DPP6: variants seen among roughly 807,000 people sequenced by gnomAD.
DPP6 encodes A-type potassium channel modulatory protein DPP6.
Under a neutral mutation model 122.6 loss-of-function variants are expected in DPP6, and 69 were observed. The observed-to-expected ratio is 0.56, with a 90% confidence interval of 0.46 to 0.69. The LOEUF (loss-of-function observed/expected upper bound fraction) is 0.69, where lower values mean the gene tolerates loss of function less well. Ranked by LOEUF, DPP6 falls within the 30% of genes least tolerant of loss-of-function variation. The pLI is 0.00. For synonymous variants in DPP6, 418 were observed against 433.1 expected, an observed-to-expected ratio of 0.97 and a Z score of 0.43; for missense variants, 928 against 1,116.9, an observed-to-expected ratio of 0.83 and a Z score of 2.41.
At chr7:154,236,021 T>C (rs1012374313) in intron 1 of DPP6, among the ~76,000 whole-genome samples, 2 of 152,086 alleles carry the variant, frequency 1.3e-5, no homozygotes, top group African/African-American at 4.8e-5. Flanking sequence ...CCCGGCTAAT[T>C]TTTGTATTTG....
At chr7:154,794,256 C>T in intron 11 of DPP6, 54 bp downstream of exon 11, 1 of 1,516,254 alleles carries the variant, frequency 6.6e-7, no homozygotes, top group Non-Finnish European at 8.9e-7. Context: ...GATGGTCAGA[C>T]GCGCCCGAGG....
chr7:154,474,054 G>A (rs572319718), intron 2 of DPP6, among the ~76,000 whole-genome samples: 85 of 152,314 alleles, frequency 5.6e-4, no homozygotes, highest in African/African-American at 2.0e-3. Flanking sequence ...AATATACAGA[G>A]GAGTTTCTTA....
At chr7:154,845,710 A>T (rs974665014) in intron 16 of DPP6, among the ~76,000 whole-genome samples, 4 of 152,244 alleles carry the variant, frequency 2.6e-5, no homozygotes, top group Admixed American at 2.6e-4. Context: ...CTAAAAATTC[A>T]AACATTTACC....
chr7:153,800,234 G>C, the DPP6 span, among the ~76,000 whole-genome samples: 4 of 152,158 alleles, frequency 2.6e-5, no homozygotes, highest in African/African-American at 9.7e-5. Flanking sequence ...TGGAATACTA[G>C]TTAGCCATAA....
intron 10 of DPP6, among the ~76,000 whole-genome samples, chr7:154,781,984 A>G (rs1797056864): frequency 6.6e-6 from 1 of 152,246 alleles, no homozygotes; most frequent in African/African-American, 2.4e-5. Flanking sequence ...AAGAGTCACT[A>G]TATTCTGATT....
At chr7:154,709,055 A>AT (rs1480400313) in intron 7 of DPP6, among the ~76,000 whole-genome samples, 1 of 147,050 alleles carries the variant, frequency 6.8e-6, no homozygotes, top group Admixed American at 6.9e-5. Flanking sequence ...CTCAAAAAAT[A>AT]AATAAAAATA....
chr7:154,482,807 C>T (rs1823425007), intron 3 of DPP6, among the ~76,000 whole-genome samples: 1 of 152,072 alleles, frequency 6.6e-6, no homozygotes, highest in South Asian at 2.1e-4. Context: ...GACAAATCAG[C>T]AGGAGGTGGT....
intron 8 of DPP6, among the ~76,000 whole-genome samples, chr7:154,739,299 A>G (rs1842711262): frequency 2.0e-5 from 3 of 152,182 alleles, no homozygotes; most frequent in African/African-American, 7.2e-5. Flanking sequence ...GTGGGCCTCA[A>G]GTTTGGTGCC....
intron 1 of DPP6, among the ~76,000 whole-genome samples, chr7:153,936,664 A>G (rs1801458431): frequency 6.6e-6 from 1 of 151,650 alleles, no homozygotes; most frequent in Non-Finnish European, 1.5e-5. Flanking sequence ...AAAAAAAATT[A>G]GCTGGGCGGG....
At chr7:154,058,589 A>C (rs1801154526) in intron 1 of DPP6, 2 of 148,052 alleles carry the variant, frequency 1.4e-5, no homozygotes, top group African/African-American at 5.2e-5. Context: ...CGAGGCGGGG[A>C]CTGAGAGCCA....
Position 154,830,733 on chromosome 7 carries a change from T to C in DPP6, c.1667-23047T>C, listed in dbSNP as rs560756742. 2.8e-4 allele frequency among the ~76,000 whole-genome samples: 43 copies of C among 152,324 alleles called. No individual in the cohort carries two copies. In the South Asian group the frequency reaches 8.5e-3, roughly 30 times the overall value. Reference sequence around the variant, plus strand: ...GCAGGGTTGCTGCTCACAGCCTATTTCTACTATCTATACGTCCACATTTGA... The same window carrying C: ...GCAGGGTTGCTGCTCACAGCCTATTCCTACTATCTATACGTCCACATTTGA... On this transcript the variant is annotated intron_variant, in intron 16 of 25. Coordinates refer to ENST00000377770, the MANE Select transcript of DPP6 (RefSeq NM_130797.4).
intron 1 of DPP6, among the ~76,000 whole-genome samples, chr7:154,413,415 A>G (rs944302275): frequency 6.6e-6 from 1 of 152,240 alleles, no homozygotes; most frequent in African/African-American, 2.4e-5. Flanking sequence ...AAAGGCTGAC[A>G]TGCAAAGAGA....
intron 1 of DPP6, among the ~76,000 whole-genome samples, chr7:154,127,676 C>T (rs1054266087): frequency 6.8e-6 from 1 of 147,162 alleles, no homozygotes; most frequent in Non-Finnish European, 1.5e-5. Flanking sequence ...CACACACACA[C>T]AAAACAGCTC....
intron 1 of DPP6, among the ~76,000 whole-genome samples, chr7:153,920,117 T>C (rs1800560614): frequency 6.6e-6 from 1 of 152,216 alleles, no homozygotes; most frequent in Admixed American, 6.5e-5. Flanking sequence ...ACATACTTGC[T>C]GCTGTTGACA....
At chr7:153,970,802 T>A (rs1448559202) in intron 1 of DPP6, among the ~76,000 whole-genome samples, 1 of 152,312 alleles carries the variant, frequency 6.6e-6, no homozygotes, top group East Asian at 1.9e-4. Flanking sequence ...AATTTGCTAC[T>A]GATGGATGGG....
At chr7:153,909,276 G>T (rs1013553390) in intron 1 of DPP6, among the ~76,000 whole-genome samples, 2 of 152,204 alleles carry the variant, frequency 1.3e-5, no homozygotes, top group Admixed American at 1.3e-4. Context: ...TTACCCCCAG[G>T]TTAGCACCAG....
intron 1 of DPP6, among the ~76,000 whole-genome samples, chr7:154,421,197 C>T (rs1016547543): frequency 7.2e-5 from 11 of 152,098 alleles, no homozygotes; most frequent in South Asian, 2.1e-4. Flanking sequence ...TAGATCCTGC[C>T]GCAGGGTCTT....
chr7:154,274,267 C>T (rs1336684661), intron 1 of DPP6, among the ~76,000 whole-genome samples: 2 of 152,200 alleles, frequency 1.3e-5, no homozygotes, highest in African/African-American at 2.4e-5. Context: ...TTGTCAGGTT[C>T]TAAGTTCTGA....
At chr7:154,065,584 A>G (rs919930460) in intron 1 of DPP6, among the ~76,000 whole-genome samples, 9 of 151,602 alleles carry the variant, frequency 5.9e-5, no homozygotes, top group Non-Finnish European at 1.0e-4. Context: ...CAGTTACACC[A>G]TGGCCTTAGT....
Sources: gnomAD v4.1 joint callset for allele counts (sites outside exome capture counted in the v4.1 genomes callset) on GRCh38, gnomAD v4.1.1 for gene constraint, MANE v1.5 for transcripts, NCBI Gene and HGNC (gene_info 2026-07-23, HGNC 2026-07-21) for gene names.